ATAD2: variants seen among roughly 807,000 people sequenced by gnomAD.
ATAD2 encodes ATPase family AAA domain-containing protein 2.
Under a neutral mutation model 168.9 loss-of-function variants are expected in ATAD2, and 62 were observed. The ratio of observed to expected loss-of-function variants is 0.37; its 90% CI spans 0.30 to 0.45. ATAD2 has a LOEUF of 0.45. ATAD2 is among the 20% of genes least tolerant of loss of function. The probability of loss-of-function intolerance (pLI) is 1.00; values close to 1 mark genes in which losing one functional copy is unlikely to be tolerated. For missense variants in ATAD2, 1,419 were observed against 1,667.8 expected (o/e 0.85, Z 2.60); for synonymous variants, 613 against 571.6 (o/e 1.07, Z -1.03).
chr8:123,329,898 T>C (rs955421284), intron 24 of ATAD2, among the ~76,000 whole-genome samples: 3 of 151,546 alleles, frequency 2.0e-5, no homozygotes, highest in Admixed American at 1.3e-4. Context: ...CACACAGCAG[T>C]AGTCCTGGAA....
rs1007670520 is a variant in ATAD2 at position 123,353,754 on chromosome 8, A to AT, written c.1646+2634dup. On this transcript the variant is annotated intron_variant, in intron 13 of 27. Transcript: ENST00000287394. The stretch of plus-strand genomic sequence containing the variant: ...CCTGTTTAAAGTGTCCAGAGTTAGG[A>AT]TTTTTTTTTTCTTTAAACAAAACAA... Among the ~76,000 whole-genome samples the AT allele has an allele frequency of 3.7e-3, 558 of 150,412 alleles. 5 individuals are homozygous for AT. Among genetic ancestry groups the AT allele is most frequent in the African/African-American group, 8.9e-3 (367 of 41,048 alleles).
rs145837201 is a variant in ATAD2 at position 123,369,963 on chromosome 8, T to A, written c.789A>T (p.Glu263Asp). 69 of 1,564,292 alleles carry A rather than the reference T, an allele frequency of 4.4e-5. No homozygotes were observed. The highest frequency in any genetic ancestry group is 1.0e-4 in the South Asian group (9 of 90,020). ...CATCATCGTCATCATCATCATCATC[T>A]TCATCATCTTCATCTTCACCATCAT... ...HEDDGEDEDD[E>D]DDDDDDDDDD... The change falls in exon 7 of 28, where the codon GAA becomes GAT. Residue 263 changes from glutamate to aspartate, a missense_variant. Coordinates refer to ENST00000287394, the MANE Select transcript of ATAD2 (RefSeq NM_014109.4).
chr8:123,330,607 C>A (rs1563833562), intron 24 of ATAD2, among the ~76,000 whole-genome samples: 1 of 152,104 alleles, frequency 6.6e-6, no homozygotes, highest in Non-Finnish European at 1.5e-5. Context: ...CGTGATCCGC[C>A]CACCCTGGCC....
rs1307130934 is a variant in ATAD2 at position 123,371,800 on chromosome 8, T to C, written c.406A>G (p.Arg136Gly). Residue 136 changes from arginine (R) to glycine (G), a missense_variant, in exon 4 of 28, where the codon AGA (arginine) becomes GGA (glycine). This residue lies in a region of ATAD2 where 419 missense variants were observed against 423.5 expected (regional missense o/e 0.99). Coordinates refer to ENST00000287394, the MANE Select transcript of ATAD2 (RefSeq NM_014109.4). ...TGTTCTGTACTTTGAACGATGTTTCTAGCCCTCAATGACCGAGTAACTGGA... is the reference window on the plus strand; with the variant it reads ...TGTTCTGTACTTTGAACGATGTTTCCAGCCCTCAATGACCGAGTAACTGGA... ...VIPVTRSLRA[R>G]NIVQSTEHLH... The C allele has an allele frequency of 1.9e-6, 3 of 1,608,568 alleles. No individual in the cohort carries two copies. Among genetic ancestry groups the C allele is most frequent in the African/African-American group, 2.7e-5 (2 of 74,816 alleles).
At chr8:123,411,244 C>G (rs1362172954) in intron 1 of ATAD2, among the ~76,000 whole-genome samples, 1 of 152,156 alleles carries the variant, frequency 6.6e-6, no homozygotes, top group East Asian at 1.9e-4. Flanking sequence ...CAGATGCAGT[C>G]TATGACTAAG....
chr8:123,335,468 A>G (rs946138255), intron 22 of ATAD2, among the ~76,000 whole-genome samples: 4 of 152,246 alleles, frequency 2.6e-5, no homozygotes, highest in African/African-American at 7.2e-5. Context: ...CCACCAATTT[A>G]AAAACAGAAA....
At position 123,371,696 on chromosome 8, in the gene ATAD2, G is replaced by A. The variant is rs767514802; in HGVS notation, c.510C>T (p.Ser170=). The A allele has an allele frequency of 1.0e-5, 16 of 1,606,994 alleles. No homozygotes were observed. The highest frequency in any genetic ancestry group is 2.2e-5 in the South Asian group (2 of 89,252). The change falls in exon 4 of 28, where the codon TCC becomes TCT. Residue 170 remains serine, a synonymous_variant. Transcript: ENST00000287394. ...IRSRYSGVNQ[S]MLFDKLITNT... ...TAGTTATAAGTTTGTCAAACAGCAT[G>A]GACTGGTTTACACCACTATAACGAC...
At chr8:123,339,703 T>C (rs576840390) in intron 19 of ATAD2, among the ~76,000 whole-genome samples, 174 of 152,238 alleles carry the variant, frequency 1.1e-3, no homozygotes, top group Non-Finnish European at 2.2e-3. Context: ...TTCAAGACAA[T>C]AGCAGGTTAT....
intron 1 of ATAD2, chr8:123,401,885 C>T (rs948203719): frequency 3.9e-6 from 3 of 765,392 alleles, no homozygotes; most frequent in Non-Finnish European, 7.2e-6. Context: ...GAAGATCACA[C>T]AGGGTGTCTC....
Position 123,348,221 on chromosome 8 carries a change from A to G in ATAD2, c.1859T>C (p.Leu620Pro), listed in dbSNP as rs1482788383. 3.7e-6 allele frequency: 6 copies of G among 1,602,912 alleles called. No individual in the cohort carries two copies. Among genetic ancestry groups the G allele is most frequent in the Non-Finnish European group, 5.1e-6 (6 of 1,177,194 alleles). The change falls in exon 15 of 28, where the codon CTG becomes CCG. Residue 620 changes from leucine to proline, a missense_variant. This residue lies in a region of ATAD2 where 545 missense variants were observed against 724.9 expected (regional missense o/e 0.75). Coordinates refer to ENST00000287394, the MANE Select transcript of ATAD2 (RefSeq NM_014109.4). The stretch of plus-strand genomic sequence containing the variant: ...TGCTAGCTCTTCTAAAAATGTGTCC[A>G]GTGGTTTGGGATTCCAATCCCTGGT... The part of the protein sequence containing the change: ...IHTRDWNPKP[L>P]DTFLEELAEN...
In ATAD2 at chr8:123,359,606, C is replaced by G; in HGVS notation, c.1237G>C (p.Asp413His). The change falls in exon 10 of 28, where the codon GAT becomes CAT. Residue 413 changes from aspartate to histidine, a missense_variant. This residue lies in a region of ATAD2 where 146 missense variants were observed against 188.3 expected (regional missense o/e 0.78). Transcript: ENST00000287394. Reference sequence around the variant, plus strand: ...GAATCTAGTTGCATTGGATCAACATCGGCAAGGCTTGCTCCAATTTTCATT... The same window carrying G: ...GAATCTAGTTGCATTGGATCAACATGGGCAAGGCTTGCTCCAATTTTCATT... ...DRMKIGASLA[D>H]VDPMQLDSSV... is the part of the protein sequence containing the mutation. 7 of 1,612,972 alleles carry G rather than the reference C, an allele frequency of 4.3e-6. No homozygotes were observed. Among genetic ancestry groups the G allele is most frequent in the Non-Finnish European group, 5.1e-6 (6 of 1,179,520 alleles).
At chr8:123,345,781 T>C (rs576896480) in intron 18 of ATAD2, among the ~76,000 whole-genome samples, 1 of 152,302 alleles carries the variant, frequency 6.6e-6, no homozygotes, top group East Asian at 1.9e-4. Flanking sequence ...GCAGTCACCA[T>C]TTTAAGTACT....
chr8:123,342,987 C>A (rs1051622034), intron 19 of ATAD2, among the ~76,000 whole-genome samples: 6 of 150,840 alleles, frequency 4.0e-5, no homozygotes, highest in Non-Finnish European at 5.9e-5. Flanking sequence ...TCATCATCAT[C>A]ATTTTTTTTT....
intron 1 of ATAD2, among the ~76,000 whole-genome samples, chr8:123,386,857 G>C (rs1300066723): frequency 6.6e-6 from 1 of 151,462 alleles, no homozygotes; most frequent in Admixed American, 6.6e-5. Flanking sequence ...ATAGTGAACG[G>C]CTTGTCATTC....
chr8:123,385,071 T>A (rs2129891181), intron 1 of ATAD2, among the ~76,000 whole-genome samples: 1 of 152,358 alleles, frequency 6.6e-6, no homozygotes, highest in East Asian at 1.9e-4. Context: ...TTTATTTAGG[T>A]ACCTCCAAAC....
chr8:123,401,711 TCCATAGTGATGA>T (rs1453536967), intron 1 of ATAD2: 26 of 747,664 alleles, frequency 3.5e-5, no homozygotes, highest in Non-Finnish European at 5.9e-5. Context: ...CCTTGGTGCC[TCCATAGTGATGA>T]TGGGCTCCCT....
intron 13 of ATAD2, among the ~76,000 whole-genome samples, chr8:123,354,865 ATATATATAT>A (rs1358638266): frequency 1.9e-5 from 1 of 53,826 alleles, no homozygotes; most frequent in African/African-American, 1.0e-4. Context: ...AAAAAAAAAA[ATATATATAT>A]ATATATATAT....
intron 1 of ATAD2, among the ~76,000 whole-genome samples, chr8:123,415,161 T>C (rs1425269070): frequency 6.6e-6 from 1 of 152,218 alleles, no homozygotes; most frequent in Non-Finnish European, 1.5e-5. Context: ...TAATATATGA[T>C]GCTTAGTTTC....
intron 19 of ATAD2, 70 bp from the exon 20 acceptor site, chr8:123,339,516 T>C: frequency 7.2e-7 from 1 of 1,388,298 alleles, no homozygotes; most frequent in Admixed American, 2.6e-5. Flanking sequence ...TGGTTCAATT[T>C]ACAATTTTTA....
Sources: gnomAD v4.1 joint callset for allele counts (sites outside exome capture counted in the v4.1 genomes callset) on GRCh38, gnomAD v4.1.1 for gene constraint, gnomAD v4.1.1 regional missense constraint, MANE v1.5 for transcripts, NCBI Gene and HGNC (gene_info 2026-07-23, HGNC 2026-07-21) for gene names.